The following ITGAL variants were observed in gnomAD, a reference collection of about 807,000 sequenced individuals.
ITGAL encodes the protein integrin alpha-L.
A neutral mutation model predicts 138.4 loss-of-function variants in ITGAL; 68 were observed. The ratio of observed to expected loss-of-function variants is 0.49; its 90% CI spans 0.40 to 0.60. The LOEUF (loss-of-function observed/expected upper bound fraction) is 0.60, where lower values mean the gene tolerates loss of function less well. Ranked by LOEUF, ITGAL falls within the 20% of genes least tolerant of loss-of-function variation. ITGAL has a pLI of 0.00. For synonymous variants in ITGAL, 561 were observed against 584.3 expected, an observed-to-expected ratio of 0.96 and a Z score of 0.57; for missense variants, 1,256 against 1,478.6, an observed-to-expected ratio of 0.85 and a Z score of 2.47.
intron 6 of ITGAL, 149 bp downstream of exon 6, chr16:30,479,610 A>T: frequency 8.2e-6 from 4 of 487,942 alleles, no homozygotes; most frequent in Non-Finnish European, 1.5e-5. Context: ...AGAACCAGGG[A>T]GTAGAAAGCT....
At chr16:30,473,050 G>A in intron 1 of ITGAL, 152 bp downstream of exon 1, 1 of 680,568 alleles carries the variant, frequency 1.5e-6, no homozygotes, top group South Asian at 1.8e-5. Context: ...GGAGAAAGGG[G>A]AGAGTGGGGA....
intron 17 of ITGAL, among the ~76,000 whole-genome samples, chr16:30,499,733 A>ATATATATTTTT: frequency 2.3e-5 from 2 of 88,366 alleles, no homozygotes; most frequent in African/African-American, 6.0e-5. Context: ...ATATATATAT[A>ATATATATTTTT]TTTTTTTTTT....
chr16:30,510,666 G>A (rs2051076313), intron 22 of ITGAL, among the ~76,000 whole-genome samples, 195 bp downstream of exon 22: 1 of 152,094 alleles, frequency 6.6e-6, no homozygotes, highest in Non-Finnish European at 1.5e-5. Flanking sequence ...GGCAAAGCTG[G>A]GATTGGGTTA....
chr16:30,513,416 T>C (rs2051118714), intron 24 of ITGAL, among the ~76,000 whole-genome samples: 1 of 151,992 alleles, frequency 6.6e-6, no homozygotes, highest in South Asian at 2.1e-4. Flanking sequence ...CCCAGCAGTG[T>C]GTGTTGGAAG....
chr16:30,489,417 C>A, intron 11 of ITGAL, 31 bp downstream of exon 11: 1 of 1,609,926 alleles, frequency 6.2e-7, no homozygotes, highest in Non-Finnish European at 8.5e-7. Flanking sequence ...CTGGGATCTT[C>A]TGGTTGTTGA....
chr16:30,506,814 C>G lies in ITGAL; in HGVS notation c.2466C>G (p.His822Gln). 1 of 1,614,002 alleles carries G rather than the reference C, an allele frequency of 6.2e-7. No individual in the cohort carries two copies. Among genetic ancestry groups the G allele is most frequent in the Non-Finnish European group, 8.5e-7 (1 of 1,179,932 alleles). The stretch of plus-strand genomic sequence containing the variant: ...CTTACTGGGTCCAGCTGGACCTGCA[C>G]TTCCCCCCGGGACTCTCCTTCCGCA... ...EDAYWVQLDL[H>Q]FPPGLSFRKV... Residue 822 changes from histidine to glutamine, a missense_variant, in exon 21 of 31, where the codon CAC becomes CAG. Physicochemically the swap from His to Gln is conservative, Grantham distance 24. Transcript: ENST00000356798.
At chr16:30,512,930 A>C (rs1259776658) in intron 24 of ITGAL, among the ~76,000 whole-genome samples, 1 of 152,172 alleles carries the variant, frequency 6.6e-6, no homozygotes, top group Non-Finnish European at 1.5e-5. Context: ...TAAACTCCTG[A>C]ACTCAGGTGA....
At position 30,520,174 on chromosome 16, in the gene ITGAL, C is replaced by T. The variant is rs150296941; in HGVS notation, c.3339+207C>T. ...CAAGGGCCAGGTGCAGTGGCTCATA[C>T]CTGTAATCCCAGCACTTTGGAGGCC... On this transcript the variant is annotated intron_variant, in intron 30 of 30. Transcript: ENST00000356798. Among the ~76,000 whole-genome samples the T allele has an allele frequency of 2.0e-5, 3 of 152,314 alleles. No homozygotes were observed. The East Asian group carries it at 5.8e-4, about 29-fold the overall frequency.
chr16:30,479,269 C>T, intron 5 of ITGAL, 61 bp downstream of exon 5: 1 of 1,613,078 alleles, frequency 6.2e-7, no homozygotes, highest in African/African-American at 1.3e-5. Flanking sequence ...TAGAGAGAAC[C>T]AGCATGGGCA....
intron 24 of ITGAL, among the ~76,000 whole-genome samples, chr16:30,512,983 A>G (rs191331727): frequency 9.2e-4 from 140 of 152,302 alleles, no homozygotes; most frequent in Non-Finnish European, 1.6e-3. Context: ...TTACAGGCGT[A>G]AGCCACCGCG....
At position 30,494,824 on chromosome 16, in the gene ITGAL, C is replaced by A; in HGVS notation, c.1477C>A (p.Arg493=). ...PLFYGEQRGG[R]VFIYQRRQLG... ...GTTCTATGGGGAGCAGAGAGGAGGC[C>A]GGGTGTTTATCTACCAGAGAAGACA... Residue 493 remains arginine (R), a synonymous_variant, in exon 13 of 31, where the codon CGG becomes AGG. Transcript: ENST00000356798. The surrounding 1 kb of genome is among the most constrained non-coding windows in gnomAD (Gnocchi z 4.2). 6.2e-7 allele frequency: 1 copy of A among 1,605,214 alleles called. No homozygotes were observed. The highest frequency in any genetic ancestry group is 1.1e-5 in the South Asian group (1 of 90,404).
At position 30,496,180 on chromosome 16, in the gene ITGAL, A is replaced by G. The variant is rs2050796068; in HGVS notation, c.1587A>G (p.Thr529=). 2 of 1,614,040 alleles carry G rather than the reference A, an allele frequency of 1.2e-6. No individual in the cohort carries two copies. Among genetic ancestry groups the G allele is most frequent in the South Asian group, 2.2e-5 (2 of 91,078 alleles). The change falls in exon 14 of 31, where the codon ACA becomes ACG. Residue 529 remains threonine (T), a synonymous_variant. Transcript: ENST00000356798. Reference sequence around the variant, plus strand: ...TTGGAGAAGCCATCACTGCTCTGACAGACATCAACGGCGATGGGCTGGTAG... The same window carrying G: ...TTGGAGAAGCCATCACTGCTCTGACGGACATCAACGGCGATGGGCTGGTAG... The part of the protein sequence containing the change: ...GRFGEAITAL[T]DINGDGLVDV...
In ITGAL at chr16:30,521,708, G is replaced by A. The variant is rs369942151; in HGVS notation, c.*43G>A. On this transcript the variant is annotated 3_prime_UTR_variant, in exon 31 of 31. Transcript: ENST00000356798. ...GCAGAGTGCCCAGAACTGGACTCAGGATGCCCAGGGCCACTCTGCCTCTGC... is the reference window on the plus strand; with the variant it reads ...GCAGAGTGCCCAGAACTGGACTCAGAATGCCCAGGGCCACTCTGCCTCTGC... 18 of 1,586,026 alleles carry A rather than the reference G, an allele frequency of 1.1e-5. No homozygotes were observed. The highest frequency in any genetic ancestry group is 1.5e-5 in the Non-Finnish European group (17 of 1,161,832).
In ITGAL at chr16:30,499,136, A is replaced by G. The variant is rs531846551; in HGVS notation, c.1895A>G (p.His632Arg). The change falls in exon 16 of 31, where the codon CAT (histidine) becomes CGT (arginine). Residue 632 changes from histidine (H) to arginine (R), a missense_variant. Physicochemically the swap from His to Arg is conservative, Grantham distance 29. Coordinates refer to ENST00000356798, the MANE Select transcript of ITGAL (RefSeq NM_002209.3). ...TTCTCTCCAGCTGAGATCCCAGTGC[A>G]TGAAGTGGAGTGCTCCTATTCAACC... ...MSFSPAEIPV[H>R]EVECSYSTSN... The G allele has an allele frequency of 1.9e-5, 30 of 1,614,114 alleles. No individual in the cohort carries two copies. Among genetic ancestry groups the G allele is most frequent in the Non-Finnish European group, 2.5e-5 (29 of 1,180,016 alleles).
intron 11 of ITGAL, among the ~76,000 whole-genome samples, chr16:30,492,315 A>C (rs2050734945): frequency 6.8e-6 from 1 of 146,608 alleles, no homozygotes; most frequent in Non-Finnish European, 1.5e-5. Context: ...AAGTGGCGCG[A>C]TCTTAGCTCA....
chr16:30,499,834 C>T (rs1189388885), intron 17 of ITGAL, among the ~76,000 whole-genome samples: 2 of 146,192 alleles, frequency 1.4e-5, no homozygotes, highest in East Asian at 4.0e-4. Context: ...TGGCCACCTC[C>T]ACCTCCTGGG....
intron 9 of ITGAL, among the ~76,000 whole-genome samples, 167 bp downstream of exon 9, chr16:30,484,430 A>G (rs1174191683): frequency 1.4e-5 from 2 of 146,670 alleles, no homozygotes; most frequent in East Asian, 2.0e-4. Flanking sequence ...GCAACATGGC[A>G]AAACCCCATC....
intron 6 of ITGAL, chr16:30,481,182 A>ACACC (rs1555505201): frequency 8.5e-6 from 3 of 353,736 alleles, no homozygotes; most frequent in African/African-American, 2.7e-5. Context: ...ACACACACAC[A>ACACC]CCACACACAC....
In ITGAL at chr16:30,475,513, G is replaced by C; in HGVS notation, c.260G>C (p.Gly87Ala). The change falls in exon 4 of 31, where the codon GGT (glycine) becomes GCT (alanine). Residue 87 changes from glycine (G) to alanine (A), a missense_variant and splice_region_variant. Physicochemically the swap from Gly to Ala is moderately conservative, Grantham distance 60. Coordinates refer to ENST00000356798, the MANE Select transcript of ITGAL (RefSeq NM_002209.3). Reference sequence around the variant, plus strand: ...CAGACCAACCTTCTGGTGCCTACAGGTTCCAACTATACCTCCAAGTACTTG... The same window carrying C: ...CAGACCAACCTTCTGGTGCCTACAGCTTCCAACTATACCTCCAAGTACTTG... ...TGHCLPVTLR[G>A]SNYTSKYLGM... 7 of 1,613,820 alleles carry C rather than the reference G, an allele frequency of 4.3e-6. No homozygotes were observed. The highest frequency in any genetic ancestry group is 5.9e-6 in the Non-Finnish European group (7 of 1,179,788).
Sources: gnomAD v4.1 joint callset for allele counts (sites outside exome capture counted in the v4.1 genomes callset) on GRCh38, gnomAD v4.1.1 for gene constraint, Gnocchi (gnomAD v3.1) non-coding constraint, MANE v1.5 for transcripts, NCBI Gene and HGNC (gene_info 2026-07-23, HGNC 2026-07-21) for gene names.